Variants in TTLL11 observed in about 807,000 individuals in gnomAD.
TTLL11 encodes the protein tubulin polyglutamylase TTLL11.
TTLL11 carries 42 observed loss-of-function variants against 51.7 expected under a neutral mutation model. That is an observed-to-expected ratio of 0.81 (90% CI 0.64 to 1.05). The LOEUF is 1.05. Among genes scored for constraint, TTLL11 ranks in the 50% least tolerant of loss-of-function variants. The pLI is 0.00. For missense variants in TTLL11, 799 were observed against 940.4 expected (o/e 0.85, Z 1.97); for synonymous variants, 381 against 383.5 (o/e 0.99, Z 0.08).
chr9:121,912,690 C>A (rs1329449417), intron 6 of TTLL11, among the ~76,000 whole-genome samples: 3 of 152,062 alleles, frequency 2.0e-5, no homozygotes, highest in Non-Finnish European at 4.4e-5. Flanking sequence ...CATTCTAGAT[C>A]CTCAGTGGCT....
chr9:121,985,752 C>T (rs913247414), intron 4 of TTLL11, among the ~76,000 whole-genome samples: 4 of 151,968 alleles, frequency 2.6e-5, no homozygotes, highest in Non-Finnish European at 5.9e-5. Flanking sequence ...GATCTCCTGA[C>T]CTCGTGATCC....
chr9:121,847,236 C>G (rs916288009), intron 8 of TTLL11, among the ~76,000 whole-genome samples: 8 of 144,852 alleles, frequency 5.5e-5, no homozygotes, highest in African/African-American at 1.8e-4. Flanking sequence ...AAAATCAGAA[C>G]ACAAATTAAT....
At chr9:121,975,540 C>G (rs2046878769) in intron 4 of TTLL11, among the ~76,000 whole-genome samples, 1 of 152,100 alleles carries the variant, frequency 6.6e-6, no homozygotes, top group Admixed American at 6.6e-5. Flanking sequence ...GGCAAAACAT[C>G]GTTTCTACTA....
chr9:122,051,295 C>G (rs1402562941), intron 1 of TTLL11, among the ~76,000 whole-genome samples: 3 of 152,046 alleles, frequency 2.0e-5, no homozygotes, highest in Non-Finnish European at 4.4e-5. Flanking sequence ...TCCTTCAATT[C>G]GACTAAGGGG....
chr9:121,880,082 C>T (rs917236812), intron 6 of TTLL11, among the ~76,000 whole-genome samples: 2 of 152,186 alleles, frequency 1.3e-5, no homozygotes, highest in Non-Finnish European at 2.9e-5. Flanking sequence ...CTCTTCTAGC[C>T]ACCTTGGCAG....
intron 3 of TTLL11, among the ~76,000 whole-genome samples, chr9:122,006,028 T>G (rs1229518185): frequency 3.3e-5 from 5 of 152,214 alleles, no homozygotes; most frequent in African/African-American, 9.6e-5. Context: ...TATCACAATA[T>G]TCCAAGAATA....
In TTLL11 at chr9:121,974,002, T is replaced by A; in HGVS notation, c.1481+7A>T. The A allele has an allele frequency of 6.5e-7, 1 of 1,548,626 alleles. No individual in the cohort carries two copies. The highest frequency in any genetic ancestry group is 1.2e-5 in the South Asian group (1 of 83,912). ...GATAGAAATGAATGACATAAAAAAG[T>A]ACTTACTGATTCTCTCTTTTCTTCT... On this transcript the variant is annotated splice_region_variant and intron_variant, in intron 6 of 8. Coordinates refer to ENST00000321582, the MANE Select transcript of TTLL11 (RefSeq NM_001139442.2).
intron 6 of TTLL11, among the ~76,000 whole-genome samples, chr9:121,899,380 T>TAC (rs1839673568): frequency 1.0e-5 from 1 of 100,208 alleles, no homozygotes; most frequent in Non-Finnish European, 2.1e-5. Flanking sequence ...TATATATACA[T>TAC]ATATATATAT....
chr9:122,049,397 A>C (rs773249125), intron 1 of TTLL11, among the ~76,000 whole-genome samples: 1 of 152,220 alleles, frequency 6.6e-6, no homozygotes, highest in Non-Finnish European at 1.5e-5. Flanking sequence ...CAGAGGTATT[A>C]TAGTAAGGGC....
chr9:121,869,436 A>G (rs1178249167), intron 7 of TTLL11, among the ~76,000 whole-genome samples: 2 of 152,242 alleles, frequency 1.3e-5, no homozygotes, highest in East Asian at 3.8e-4. Flanking sequence ...ACTGAGTGCT[A>G]GCAGACATCC....
chr9:121,885,565 A>T (rs1301496622), intron 6 of TTLL11: 1 of 152,232 alleles, frequency 6.6e-6, no homozygotes, highest in Non-Finnish European at 1.5e-5. Context: ...TTTCCATAAG[A>T]GACCGTTTCC....
chr9:121,836,132 G>A (rs1837172767), intron 8 of TTLL11, among the ~76,000 whole-genome samples: 2 of 152,200 alleles, frequency 1.3e-5, no homozygotes, highest in South Asian at 2.1e-4. Flanking sequence ...GATGGTAGAT[G>A]CTTTTATGGC....
At chr9:122,054,303 A>C (rs1845237655) in intron 1 of TTLL11, among the ~76,000 whole-genome samples, 1 of 152,150 alleles carries the variant, frequency 6.6e-6, no homozygotes, top group Admixed American at 6.5e-5. Context: ...AAAACCCATT[A>C]GTAGGAGGGG....
Position 121,934,284 on chromosome 9 carries a change from C to T in TTLL11, c.1481+39725G>A, listed in dbSNP as rs551051387. Among the ~76,000 whole-genome samples, 6 of 144,058 alleles carry T rather than the reference C, an allele frequency of 4.2e-5. No individual in the cohort carries two copies. The South Asian group carries it at 6.5e-4, about 16-fold the overall frequency. The allele number at this position is 144,058 out of a possible 152,430, so 94.5% of individuals were successfully genotyped here. A position where few individuals can be genotyped will look rare whatever the true frequency, so the allele number is the denominator to read the frequency against. ...TAAATAAATCCATTCGTCCATCTTGCGCTTTGGATCTTTTACCCATGCCAA... is the reference window on the plus strand; with the variant it reads ...TAAATAAATCCATTCGTCCATCTTGTGCTTTGGATCTTTTACCCATGCCAA... On this transcript the variant is annotated intron_variant, in intron 6 of 8. Coordinates refer to ENST00000321582, the MANE Select transcript of TTLL11 (RefSeq NM_001139442.2).
In TTLL11 at chr9:121,853,143, G is replaced by A. The variant is rs1472453928; in HGVS notation, c.1840+7194C>T. On this transcript the variant is annotated intron_variant, in intron 8 of 8. Transcript: ENST00000321582. The surrounding 1 kb of genome is among the most constrained non-coding windows in gnomAD (Gnocchi z 5.6). ...GGATTTTGCTGAGAGATGGTCATGA[G>A]GCTCAGACACCCATGGGATTGGTGG... Among the ~76,000 whole-genome samples, 3 of 152,218 alleles carry A rather than the reference G, an allele frequency of 2.0e-5. No individual in the cohort carries two copies. Among genetic ancestry groups the A allele is most frequent in the Non-Finnish European group, 4.4e-5 (3 of 68,044 alleles).
intron 3 of TTLL11, among the ~76,000 whole-genome samples, chr9:121,996,750 C>A (rs149634768): frequency 5.9e-5 from 9 of 152,316 alleles, no homozygotes; most frequent in South Asian, 2.1e-4. Context: ...TCAGAAGAAA[C>A]CTTGGAATAA....
intron 6 of TTLL11, among the ~76,000 whole-genome samples, chr9:121,915,723 G>A (rs1187534608): frequency 2.6e-5 from 4 of 151,834 alleles, no homozygotes; most frequent in Non-Finnish European, 5.9e-5. Context: ...TTTTTAAAAG[G>A]ATCCTTACAG....
intron 6 of TTLL11, among the ~76,000 whole-genome samples, chr9:121,910,781 A>G (rs1017647768): frequency 4.6e-5 from 7 of 152,354 alleles, no homozygotes; most frequent in African/African-American, 1.7e-4. Flanking sequence ...AGAGCCTGGA[A>G]ATCCTTGATT....
intron 1 of TTLL11, among the ~76,000 whole-genome samples, chr9:122,069,906 C>G (rs72767749): frequency 1.3e-5 from 2 of 151,360 alleles, no homozygotes; most frequent in Non-Finnish European, 3.0e-5. Flanking sequence ...ATCATGGCAC[C>G]GCTGGCCCCA....
Sources: gnomAD v4.1 joint callset for allele counts (sites outside exome capture counted in the v4.1 genomes callset) on GRCh38, gnomAD v4.1.1 for gene constraint, Gnocchi (gnomAD v3.1) non-coding constraint, MANE v1.5 for transcripts, NCBI Gene and HGNC (gene_info 2026-07-23, HGNC 2026-07-21) for gene names.